The following GALNT16 variants were observed in gnomAD, a reference collection of about 807,000 sequenced individuals.
GALNT16 encodes the protein UDP-GalNAc:polypeptide N-acetylgalactosaminyltransferase-like protein 1.
In GALNT16, 40 loss-of-function variants were observed where a neutral mutation model predicts 76.1. That is an observed-to-expected ratio of 0.53 (90% CI 0.41 to 0.68). The LOEUF (loss-of-function observed/expected upper bound fraction) is 0.68. GALNT16 is among the 30% of genes least tolerant of loss of function. The probability of loss-of-function intolerance (pLI) is 0.00; values close to 1 mark genes in which losing one functional copy is unlikely to be tolerated. For synonymous variants in GALNT16, 276 were observed against 285.2 expected (o/e 0.97, Z 0.32); for missense variants, 621 against 731.9 (o/e 0.85, Z 1.75).
At chr14:69,312,170 G>C (rs146382199) in intron 1 of GALNT16, among the ~76,000 whole-genome samples, 46 of 152,080 alleles carry the variant, frequency 3.0e-4, no homozygotes, top group African/African-American at 1.0e-3. Flanking sequence ...AGGATCACTT[G>C]AGCCTAGGAG....
chr14:69,260,558 A>G lies in GALNT16; in HGVS notation c.177+91A>G, dbSNP rs970457003. ...GCGGCCGAGGGCGCGGGGCCCGGCC[A>G]GGGCTGAGTGCCCGCTGCGCCGGGC... On this transcript the variant is annotated intron_variant, in intron 1 of 14. Coordinates refer to ENST00000448469, the MANE Select transcript of GALNT16 (RefSeq NM_001168368.2). 2.0e-5 allele frequency: 18 copies of G among 900,476 alleles called. No homozygotes were observed. In the African/African-American group the frequency reaches 3.0e-4, roughly 15 times the overall value. 55.8% of individuals were successfully genotyped at this position (900,476 alleles called of 1,614,324 possible). A position where few individuals can be genotyped will look rare whatever the true frequency, so the allele number is the denominator to read the frequency against.
intron 1 of GALNT16, among the ~76,000 whole-genome samples, chr14:69,296,813 A>C (rs914388934): frequency 6.5e-5 from 3 of 45,818 alleles, no homozygotes; most frequent in African/African-American, 2.5e-4. Flanking sequence ...AGCTAGATAG[A>C]TAGATAGATA....
intron 12 of GALNT16, among the ~76,000 whole-genome samples, chr14:69,342,530 G>A (rs1473938954): frequency 1.6e-5 from 1 of 62,498 alleles, no homozygotes; most frequent in African/African-American, 4.2e-5. Context: ...AGAGGGAGAG[G>A]AAAAGAAAAG....
the GALNT16 span, among the ~76,000 whole-genome samples, chr14:69,377,477 A>G: frequency 6.6e-6 from 1 of 152,158 alleles, no homozygotes; most frequent in Non-Finnish European, 1.5e-5. Context: ...CAATACTAGT[A>G]TCATTATGCT....
chr14:69,375,819 G>C, the GALNT16 span, among the ~76,000 whole-genome samples: 1 of 152,066 alleles, frequency 6.6e-6, no homozygotes, highest in Admixed American at 6.6e-5. Flanking sequence ...TTTTTATTTC[G>C]TAGAGACAGG....
chr14:69,320,613 G>A, intron 1 of GALNT16, 98 bp from the exon 2 acceptor site: 1 of 1,035,024 alleles, frequency 9.7e-7, no homozygotes, highest in South Asian at 1.5e-5. Flanking sequence ...GCACAAATGA[G>A]GCCACGTGGC....
intron 1 of GALNT16, among the ~76,000 whole-genome samples, chr14:69,279,782 A>G (rs904900529): frequency 1.3e-5 from 2 of 152,238 alleles, no homozygotes; most frequent in Non-Finnish European, 2.9e-5. Flanking sequence ...TAGTAACCCC[A>G]ATTCCATCTT....
At chr14:69,270,341 C>T (rs1370898433) in intron 1 of GALNT16, among the ~76,000 whole-genome samples, 3 of 152,150 alleles carry the variant, frequency 2.0e-5, no homozygotes, top group Non-Finnish European at 4.4e-5. Flanking sequence ...CTCTGAGGTT[C>T]GATGGCTCCC....
chr14:69,379,756 T>C, the GALNT16 span, among the ~76,000 whole-genome samples: 18,554 of 152,186 alleles, frequency 0.12, 1,364 homozygotes, highest in Middle Eastern at 0.24. Context: ...AGTGGGTAAC[T>C]AGTATCCAAC....
chr14:69,356,729 T>TTC (rs1359770666), downstream of GALNT16: 1 of 151,054 alleles, frequency 6.6e-6, no homozygotes, highest in Non-Finnish European at 1.5e-5. Flanking sequence ...CTAATTTTTT[T>TTC]TGTATTTTTA....
intron 1 of GALNT16, among the ~76,000 whole-genome samples, chr14:69,294,369 G>A (rs1379173204): frequency 1.3e-5 from 2 of 152,152 alleles, no homozygotes; most frequent in Non-Finnish European, 2.9e-5. Context: ...TGATCCATCT[G>A]CTTTGGCCTC....
At chr14:69,332,675 T>C in intron 7 of GALNT16, 1 of 171,024 alleles carries the variant, frequency 5.8e-6, no homozygotes, top group Non-Finnish European at 1.3e-5. Context: ...GCTTTGGCAC[T>C]GGCAGCTGCC....
intron 2 of GALNT16, among the ~76,000 whole-genome samples, chr14:69,324,328 C>T (rs1187744496): frequency 3.3e-5 from 5 of 152,246 alleles, no homozygotes; most frequent in Admixed American, 2.0e-4. Flanking sequence ...TTCCCTCTCG[C>T]ACATACCCCC....
chr14:69,361,772 C>G (rs766378947), downstream of GALNT16, among the ~76,000 whole-genome samples: 1 of 152,066 alleles, frequency 6.6e-6, no homozygotes, highest in East Asian at 1.9e-4. Context: ...TTTGGGAGGC[C>G]GAGGCAGGTG....
chr14:69,370,546 AT>A, the GALNT16 span, among the ~76,000 whole-genome samples: 2 of 151,340 alleles, frequency 1.3e-5, no homozygotes, highest in Non-Finnish European at 2.9e-5. Flanking sequence ...CGAATCTTTT[AT>A]TTTTTTTTAA....
intron 7 of GALNT16, among the ~76,000 whole-genome samples, chr14:69,332,795 A>G (rs1213854580): frequency 2.0e-5 from 3 of 150,840 alleles, no homozygotes; most frequent in Non-Finnish European, 4.4e-5. Context: ...CTAAAATATT[A>G]ATAGTATGGG....
chr14:69,270,408 C>T (rs1406201934), intron 1 of GALNT16, among the ~76,000 whole-genome samples: 1 of 152,170 alleles, frequency 6.6e-6, no homozygotes, highest in Non-Finnish European at 1.5e-5. Flanking sequence ...AAGCTGCAGG[C>T]ACCTTTTTTC....
chr14:69,312,109 A>G (rs1235350864), intron 1 of GALNT16, among the ~76,000 whole-genome samples: 2 of 151,186 alleles, frequency 1.3e-5, no homozygotes, highest in African/African-American at 4.9e-5. Context: ...ATCTATATCT[A>G]TCTATCTGTC....
At chr14:69,344,250 T>C (rs2045533556) in intron 12 of GALNT16, among the ~76,000 whole-genome samples, 1 of 152,262 alleles carries the variant, frequency 6.6e-6, no homozygotes, top group Non-Finnish European at 1.5e-5. Flanking sequence ...AATTTATTAC[T>C]TGCATTAGGA....
Sources: gnomAD v4.1 joint callset for allele counts (sites outside exome capture counted in the v4.1 genomes callset) on GRCh38, gnomAD v4.1.1 for gene constraint, MANE v1.5 for transcripts, NCBI Gene and HGNC (gene_info 2026-07-23, HGNC 2026-07-21) for gene names.